Variants in GABRA2 observed in about 807,000 individuals in gnomAD.
The protein encoded by GABRA2 is gamma-aminobutyric acid receptor subunit alpha-2.
In GABRA2, 16 loss-of-function variants were observed where a neutral mutation model predicts 48.7. The ratio of observed to expected loss-of-function variants is 0.33; its 90% CI spans 0.22 to 0.50. The LOEUF is 0.50. GABRA2 is among the 20% of genes least tolerant of loss of function. The pLI is 0.98. For synonymous variants in GABRA2, 185 were observed against 184.5 expected (o/e 1.00, Z -0.02); for missense variants, 275 against 535.6 (o/e 0.51, Z 4.80).
At chr4:46,310,114 G>A (rs909261293) in intron 6 of GABRA2, 59 bp downstream of exon 6, 6 of 1,232,444 alleles carry the variant, frequency 4.9e-6, no homozygotes, top group Admixed American at 1.7e-5. Flanking sequence ...ATTGAGCAGT[G>A]CTGCTGACTT....
intron 4 of GABRA2, among the ~76,000 whole-genome samples, chr4:46,323,954 A>T (rs1371927119): frequency 1.6e-4 from 25 of 152,044 alleles, no homozygotes; most frequent in Admixed American, 1.6e-3. Context: ...TGACATGTTC[A>T]GGGAACAGTG....
intron 8 of GABRA2, among the ~76,000 whole-genome samples, chr4:46,282,824 C>T (rs1359451804): frequency 2.0e-5 from 3 of 152,180 alleles, no homozygotes; most frequent in Non-Finnish European, 4.4e-5. Context: ...CAGAATTCCA[C>T]TAAGTGGTCC....
At chr4:46,308,275 T>A (rs1036449857) in intron 6 of GABRA2, among the ~76,000 whole-genome samples, 2 of 152,110 alleles carry the variant, frequency 1.3e-5, no homozygotes, top group African/African-American at 4.8e-5. Context: ...GCAATAGGAA[T>A]AAAACAAAAC....
At chr4:46,282,783 G>A (rs1443849106) in intron 8 of GABRA2, among the ~76,000 whole-genome samples, 2 of 152,132 alleles carry the variant, frequency 1.3e-5, no homozygotes, top group African/African-American at 2.4e-5. Context: ...AATAATAATA[G>A]CAAATACTTG....
At chr4:46,263,073 G>A (rs1049227670) in intron 8 of GABRA2, among the ~76,000 whole-genome samples, 8 of 150,856 alleles carry the variant, frequency 5.3e-5, no homozygotes, top group South Asian at 2.1e-4. Context: ...AAATACACAC[G>A]TACATATATA....
intron 8 of GABRA2, among the ~76,000 whole-genome samples, chr4:46,267,628 A>T (rs1718515782): frequency 6.6e-6 from 1 of 152,010 alleles, no homozygotes. Context: ...TTGTTGAAGT[A>T]CTTATTGTTT....
intron 8 of GABRA2, among the ~76,000 whole-genome samples, chr4:46,281,272 A>C (rs1721483138): frequency 6.6e-6 from 1 of 152,196 alleles, no homozygotes. Flanking sequence ...GTTAAGGGAG[A>C]AGATCTGTAC....
intron 9 of GABRA2, among the ~76,000 whole-genome samples, chr4:46,253,715 T>C (rs898433623): frequency 6.6e-6 from 1 of 151,472 alleles, no homozygotes; most frequent in Non-Finnish European, 1.5e-5. Flanking sequence ...GTACCATTTT[T>C]AGTTAAGAAC....
At chr4:46,388,811 G>C in intron 1 of GABRA2, 95 bp from the exon 2 acceptor site, 1 of 1,572,428 alleles carries the variant, frequency 6.4e-7, no homozygotes, top group Admixed American at 1.8e-5. Context: ...TTTAGTTAGG[G>C]ATTCGTGTTA....
intron 3 of GABRA2, among the ~76,000 whole-genome samples, chr4:46,334,151 C>T (rs535979275): frequency 1.6e-4 from 25 of 152,168 alleles, no homozygotes; most frequent in Non-Finnish European, 2.2e-4. Flanking sequence ...TCAGGAGCAG[C>T]TTTCTGTGTA....
intron 9 of GABRA2, among the ~76,000 whole-genome samples, chr4:46,260,041 T>TA (rs925435266): frequency 2.0e-5 from 3 of 151,848 alleles, no homozygotes; most frequent in Non-Finnish European, 4.4e-5. Flanking sequence ...GTTTTTTTTT[T>TA]ACAAAACTTT....
intron 8 of GABRA2, among the ~76,000 whole-genome samples, chr4:46,298,450 A>T (rs1303918069): frequency 6.6e-6 from 1 of 152,014 alleles, no homozygotes; most frequent in African/African-American, 2.4e-5. Context: ...TACTCACAAT[A>T]GTGGAAATGC....
intron 1 of GABRA2, chr4:46,389,396 C>G (rs148667144): frequency 1.0e-6 from 1 of 985,344 alleles, no homozygotes; most frequent in Non-Finnish European, 1.2e-6. Flanking sequence ...TGCTCTGGAG[C>G]CGAGGATCAC....
chr4:46,297,405 G>T (rs931950886), intron 8 of GABRA2, among the ~76,000 whole-genome samples: 6 of 146,810 alleles, frequency 4.1e-5, no homozygotes, highest in African/African-American at 1.3e-4. Context: ...GGCTCTCCTT[G>T]CTCCTCAGCT....
At chr4:46,341,998 G>A (rs1018411249) in intron 3 of GABRA2, among the ~76,000 whole-genome samples, 4 of 152,060 alleles carry the variant, frequency 2.6e-5, no homozygotes, top group Non-Finnish European at 4.4e-5. Context: ...GGACAGACAG[G>A]TCAAATGGTG....
At chr4:46,359,001 C>T (rs1294152149) in intron 3 of GABRA2, among the ~76,000 whole-genome samples, 2 of 152,164 alleles carry the variant, frequency 1.3e-5, no homozygotes, top group African/African-American at 4.8e-5. Context: ...ATCATAAACA[C>T]ACACCTGTTA....
rs950975848 is a variant in GABRA2 at position 46,296,556 on chromosome 4, C to T, written c.856+6904G>A. 3.3e-5 allele frequency among the ~76,000 whole-genome samples: 5 copies of T among 150,622 alleles called. No homozygotes were observed. In the Admixed American group the frequency reaches 3.3e-4, roughly 10 times the overall value. On this transcript the variant is annotated intron_variant, in intron 8 of 9. Coordinates refer to ENST00000381620, the MANE Select transcript of GABRA2 (RefSeq NM_000807.4). The stretch of plus-strand genomic sequence containing the variant: ...TATGGTGTCTCTTAATATTACCATG[C>T]CCTGTGATTAAGGTCAATGGGAAAT...
intron 4 of GABRA2, among the ~76,000 whole-genome samples, chr4:46,327,209 G>A (rs1320779841): frequency 1.3e-5 from 2 of 151,828 alleles, no homozygotes; most frequent in Admixed American, 1.3e-4. Context: ...TTAGCATAAA[G>A]TCAAATACCT....
intron 2 of GABRA2, among the ~76,000 whole-genome samples, chr4:46,386,556 A>G (rs1161387207): frequency 1.3e-5 from 2 of 152,224 alleles, no homozygotes; most frequent in Non-Finnish European, 2.9e-5. Flanking sequence ...AGAAAATTCC[A>G]ATAATCAAAC....
Sources: gnomAD v4.1 joint callset for allele counts (sites outside exome capture counted in the v4.1 genomes callset) on GRCh38, gnomAD v4.1.1 for gene constraint, MANE v1.5 for transcripts, NCBI Gene and HGNC (gene_info 2026-07-23, HGNC 2026-07-21) for gene names.